The following ERG variants were observed in gnomAD, a reference collection of about 807,000 sequenced individuals.
ERG encodes transcriptional regulator ERG.
A neutral mutation model predicts 55.3 loss-of-function variants in ERG; 9 were observed. That is an observed-to-expected ratio of 0.16 (90% CI 0.10 to 0.28). ERG has a LOEUF of 0.28. Among genes scored for constraint, ERG ranks in the 10% least tolerant of loss-of-function variants. The pLI is 1.00. For synonymous variants in ERG, 223 were observed against 237.3 expected, an observed-to-expected ratio of 0.94 and a Z score of 0.55; for missense variants, 434 against 631.6, an observed-to-expected ratio of 0.69 and a Z score of 3.35.
chr21:38,614,007 T>C (rs1324254877), intron 1 of ERG, among the ~76,000 whole-genome samples: 1 of 152,168 alleles, frequency 6.6e-6, no homozygotes, highest in Non-Finnish European at 1.5e-5. Context: ...TAGAGCTGCA[T>C]GGAACCCTGG....
rs79571502 is a variant in ERG at position 38,547,322 on chromosome 21, A to G, written c.-41+28340T>C. Among the ~76,000 whole-genome samples, 1,433 of 152,340 alleles carry G rather than the reference A, an allele frequency of 9.4e-3. 28 individuals are homozygous for G. The highest frequency in any genetic ancestry group is 0.032 in the African/African-American group (1,351 of 41,582). On this transcript the variant is annotated intron_variant, in intron 2 of 8. Coordinates refer to the ERG transcript ENST00000398897. The stretch of plus-strand genomic sequence containing the variant: ...GCTGGAGAGGGAAGAAGGTACGAAG[A>G]TGCATTCTGTGTTGCTCAACAAGAT...
intron 1 of ERG, among the ~76,000 whole-genome samples, chr21:38,605,971 ATAGGTAGG>A: frequency 6.6e-6 from 1 of 152,158 alleles, no homozygotes; most frequent in African/African-American, 2.4e-5. Flanking sequence ...AGGTAGGTAG[ATAGGTAGG>A]TAGGTACTAG....
chr21:38,490,184 C>T (rs917826942), intron 1 of ERG, among the ~76,000 whole-genome samples: 3 of 151,484 alleles, frequency 2.0e-5, no homozygotes, highest in Non-Finnish European at 2.9e-5. Flanking sequence ...AAAACATGTT[C>T]ATCACAGGAA....
chr21:38,372,697 G>A, the ERG span, among the ~76,000 whole-genome samples: 4 of 151,850 alleles, frequency 2.6e-5, no homozygotes, highest in Non-Finnish European at 5.9e-5. Flanking sequence ...AATGTGTTGT[G>A]ATTTTCTTTA....
At chr21:38,487,284 C>G (rs2059295533) in intron 1 of ERG, among the ~76,000 whole-genome samples, 1 of 151,862 alleles carries the variant, frequency 6.6e-6, no homozygotes, top group African/African-American at 2.4e-5. Context: ...ATTCAAAGAC[C>G]CTTGATGGTG....
chr21:38,609,478 A>G (rs2060213696), intron 1 of ERG, among the ~76,000 whole-genome samples: 1 of 152,242 alleles, frequency 6.6e-6, no homozygotes, highest in Admixed American at 6.5e-5. Flanking sequence ...TTAAACTTAA[A>G]AAAATAAAAA....
chr21:38,633,037 AT>A (rs1194026908), intron 1 of ERG, among the ~76,000 whole-genome samples: 2 of 152,262 alleles, frequency 1.3e-5, no homozygotes, highest in Non-Finnish European at 2.9e-5. Context: ...ATGGAATATT[AT>A]TCAGCCTTAA....
At chr21:38,639,758 T>C (rs143451016) in intron 1 of ERG, among the ~76,000 whole-genome samples, 1 of 152,212 alleles carries the variant, frequency 6.6e-6, no homozygotes, top group East Asian at 1.9e-4. Flanking sequence ...AAGCATCACT[T>C]TCACTTTCCA....
intron 1 of ERG, among the ~76,000 whole-genome samples, chr21:38,451,752 T>C (rs147685954): frequency 1.2e-4 from 19 of 152,346 alleles, no homozygotes; most frequent in African/African-American, 4.3e-4. Flanking sequence ...CTGACAAAGA[T>C]ACTCCAGTCC....
intron 1 of ERG, among the ~76,000 whole-genome samples, chr21:38,577,128 C>A (rs373938228): frequency 6.6e-6 from 1 of 152,188 alleles, no homozygotes; most frequent in Non-Finnish European, 1.5e-5. Context: ...GAACTTGAGA[C>A]ATTTTCGAAG....
chr21:38,620,212 C>T (rs73442430), intron 1 of ERG, among the ~76,000 whole-genome samples: 3 of 152,290 alleles, frequency 2.0e-5, no homozygotes, highest in African/African-American at 7.2e-5. Flanking sequence ...GCTCTTTGTT[C>T]TGATCTGGTT....
the ERG span, among the ~76,000 whole-genome samples, chr21:38,372,925 A>C: frequency 6.6e-6 from 1 of 152,194 alleles, no homozygotes. Flanking sequence ...TATAAAATCA[A>C]AATGAAATTG....
At chr21:38,457,162 C>T (rs987736346) in intron 1 of ERG, among the ~76,000 whole-genome samples, 5 of 152,174 alleles carry the variant, frequency 3.3e-5, no homozygotes, top group South Asian at 4.1e-4. Flanking sequence ...CAAGCCTGGG[C>T]GGGGTGGCTC....
At chr21:38,447,126 C>G (rs747351756) in intron 1 of ERG, among the ~76,000 whole-genome samples, 9 of 151,202 alleles carry the variant, frequency 6.0e-5, no homozygotes, top group Non-Finnish European at 1.2e-4. Flanking sequence ...CTCTGTCGCT[C>G]GATCCTCCAC....
intron 2 of ERG, among the ~76,000 whole-genome samples, chr21:38,550,664 T>A (rs906752860): frequency 6.6e-6 from 1 of 152,240 alleles, no homozygotes; most frequent in Admixed American, 6.5e-5. Flanking sequence ...TTTCTGTTGT[T>A]TATATGCCAC....
chr21:38,552,634 C>A (rs1156479630), intron 2 of ERG, among the ~76,000 whole-genome samples: 1 of 152,108 alleles, frequency 6.6e-6, no homozygotes, highest in East Asian at 1.9e-4. Flanking sequence ...AATTCAACAT[C>A]CTTTCATGTT....
chr21:38,492,595 AC>A (rs2059345923), intron 1 of ERG, among the ~76,000 whole-genome samples: 1 of 152,220 alleles, frequency 6.6e-6, no homozygotes, highest in South Asian at 2.1e-4. Flanking sequence ...ATAAGATATC[AC>A]TAAAAACAGC....
rs150136411 is a variant in ERG, at chr21:38,451,783, A to G, written c.19-6162T>C. On this transcript the variant is annotated intron_variant, in intron 1 of 9. Transcript: ENST00000288319. Reference sequence around the variant, plus strand: ...AGTCCTTCAGGAGTTTTTATTCTAAATGTGTGCACTTTTGCAATTCTGATG... The same window carrying G: ...AGTCCTTCAGGAGTTTTTATTCTAAGTGTGTGCACTTTTGCAATTCTGATG... Among the ~76,000 whole-genome samples the G allele has an allele frequency of 2.7e-4, 41 of 152,300 alleles. No homozygotes were observed. In the East Asian group the frequency reaches 7.5e-3, roughly 28 times the overall value.
intron 2 of ERG, among the ~76,000 whole-genome samples, chr21:38,518,224 A>ATG (rs150947996): frequency 6.8e-6 from 1 of 146,584 alleles, no homozygotes; most frequent in Non-Finnish European, 1.5e-5. Context: ...CCCCATAACT[A>ATG]TGTGTGTGTG....
Sources: allele counts gnomAD v4.1 joint callset (sites outside exome capture counted in the v4.1 genomes callset), GRCh38; gene constraint gnomAD v4.1.1; transcripts MANE v1.5; gene names NCBI Gene and HGNC (gene_info 2026-07-23, HGNC 2026-07-21).